SCFD2: variants seen among roughly 807,000 people sequenced by gnomAD.
The protein encoded by SCFD2 is sec1 family domain containing 2.
Under a neutral mutation model 58.9 loss-of-function variants are expected in SCFD2, and 54 were observed. That is an observed-to-expected ratio of 0.92 (90% CI 0.74 to 1.15). The LOEUF is 1.15. Among genes scored for constraint, SCFD2 ranks in the 50% most tolerant of loss-of-function variants. The pLI is 0.00. For missense variants in SCFD2, 805 were observed against 836.6 expected (o/e 0.96, Z 0.47); for synonymous variants, 321 against 335.9 (o/e 0.96, Z 0.49).
chr4:53,280,188 C>T (rs1390109626), intron 3 of SCFD2, among the ~76,000 whole-genome samples: 1 of 152,058 alleles, frequency 6.6e-6, no homozygotes, highest in Non-Finnish European at 1.5e-5. Context: ...AATGGCAAAA[C>T]TGTTATGATG....
chr4:53,237,936 C>A (rs1314820223), intron 4 of SCFD2, among the ~76,000 whole-genome samples: 1 of 120,138 alleles, frequency 8.3e-6, no homozygotes, highest in Non-Finnish European at 1.8e-5. Flanking sequence ...CCGGACGGGG[C>A]GGCTGGCCGG....
intron 4 of SCFD2, among the ~76,000 whole-genome samples, chr4:53,183,345 C>G (rs965808028): frequency 9.2e-5 from 14 of 152,128 alleles, no homozygotes; most frequent in Admixed American, 6.5e-5. Flanking sequence ...AGTTCATGTC[C>G]TTTGTAGGGA....
chr4:53,166,034 C>T (rs921616340), intron 4 of SCFD2, among the ~76,000 whole-genome samples: 4 of 152,270 alleles, frequency 2.6e-5, no homozygotes, highest in African/African-American at 4.8e-5. Flanking sequence ...AATATTCATC[C>T]TTTAGTGTCT....
chr4:53,340,425 C>A (rs2149145085), intron 2 of SCFD2, among the ~76,000 whole-genome samples: 1 of 152,334 alleles, frequency 6.6e-6, no homozygotes, highest in Non-Finnish European at 1.5e-5. Context: ...GGGTGCCCAC[C>A]ATTGCTGAGG....
At chr4:53,302,433 G>T (rs1732345031) in intron 3 of SCFD2, among the ~76,000 whole-genome samples, 1 of 150,734 alleles carries the variant, frequency 6.6e-6, no homozygotes, top group Non-Finnish European at 1.5e-5. Flanking sequence ...ACAAACCACT[G>T]CTCAGTGAAA....
intron 8 of SCFD2, among the ~76,000 whole-genome samples, chr4:52,880,937 G>T (rs1347730638): frequency 6.6e-6 from 1 of 152,278 alleles, no homozygotes; most frequent in African/African-American, 2.4e-5. Flanking sequence ...TGAGGAGAGA[G>T]GCTGGTGTTG....
intron 4 of SCFD2, among the ~76,000 whole-genome samples, chr4:53,213,089 A>G (rs998229613): frequency 2.6e-5 from 4 of 152,114 alleles, no homozygotes; most frequent in Admixed American, 6.6e-5. Flanking sequence ...ACACACAAAC[A>G]ATTTCTAGCA....
chr4:53,105,101 T>G (rs897292535), intron 5 of SCFD2, among the ~76,000 whole-genome samples: 9 of 152,036 alleles, frequency 5.9e-5, no homozygotes, highest in Non-Finnish European at 1.2e-4. Flanking sequence ...AACTCCCTCC[T>G]CTAGCCAAGG....
chr4:53,345,087 A>T (rs948963033), intron 2 of SCFD2, among the ~76,000 whole-genome samples: 1 of 152,250 alleles, frequency 6.6e-6, no homozygotes, highest in Non-Finnish European at 1.5e-5. Context: ...ACAAAAGCCA[A>T]AATAGACAAA....
intron 3 of SCFD2, among the ~76,000 whole-genome samples, chr4:53,312,371 A>G (rs1732717998): frequency 6.6e-6 from 1 of 152,210 alleles, no homozygotes; most frequent in African/African-American, 2.4e-5. Flanking sequence ...CTTATCAGAT[A>G]TATGGCCTTG....
chr4:53,277,276 T>C (rs1353412502), intron 3 of SCFD2, among the ~76,000 whole-genome samples: 4 of 152,222 alleles, frequency 2.6e-5, no homozygotes, highest in African/African-American at 9.6e-5. Context: ...TTTTAAGAAA[T>C]GATATTCTCT....
intron 5 of SCFD2, among the ~76,000 whole-genome samples, chr4:53,023,778 C>A (rs1490283028): frequency 6.6e-6 from 1 of 152,130 alleles, no homozygotes; most frequent in African/African-American, 2.4e-5. Context: ...TTAATAAATG[C>A]AACTGCAAGT....
intron 4 of SCFD2, among the ~76,000 whole-genome samples, chr4:53,236,862 G>A (rs1233969540): frequency 2.1e-5 from 3 of 146,276 alleles, no homozygotes; most frequent in Non-Finnish European, 4.5e-5. Flanking sequence ...ATTTTTTATT[G>A]ATAATTCTTG....
intron 5 of SCFD2, among the ~76,000 whole-genome samples, chr4:52,934,958 G>A (rs571881434): frequency 7.2e-5 from 11 of 152,266 alleles, no homozygotes; most frequent in African/African-American, 2.6e-4. Flanking sequence ...ATACCTGTGT[G>A]GTCCTATACA....
intron 5 of SCFD2, among the ~76,000 whole-genome samples, chr4:52,975,860 C>T (rs983837962): frequency 6.6e-6 from 1 of 152,058 alleles, no homozygotes; most frequent in African/African-American, 2.4e-5. Context: ...AGGATGAGTT[C>T]ACGTTCTTTG....
At chr4:53,166,925 A>T (rs1260905489) in intron 4 of SCFD2, among the ~76,000 whole-genome samples, 2 of 152,022 alleles carry the variant, frequency 1.3e-5, no homozygotes, top group Non-Finnish European at 2.9e-5. Flanking sequence ...TGGGAATAAG[A>T]GGATAGGGCT....
chr4:52,944,300 A>T (rs564054721), intron 5 of SCFD2, among the ~76,000 whole-genome samples: 2 of 152,194 alleles, frequency 1.3e-5, no homozygotes, highest in Non-Finnish European at 2.9e-5. Flanking sequence ...ATTGAGTTCT[A>T]TACCAAAATG....
At chr4:53,067,755 C>T (rs1723704807) in intron 5 of SCFD2, among the ~76,000 whole-genome samples, 2 of 151,998 alleles carry the variant, frequency 1.3e-5, no homozygotes, top group South Asian at 4.1e-4. Flanking sequence ...TCTTTTGTTT[C>T]TTGGGTATGT....
chr4:53,294,094 C>T (rs1332212789), intron 3 of SCFD2, among the ~76,000 whole-genome samples: 2 of 152,154 alleles, frequency 1.3e-5, no homozygotes, highest in Non-Finnish European at 2.9e-5. Flanking sequence ...AACACTGCCA[C>T]AATAAACATA....
Sources: gnomAD v4.1 joint callset for allele counts (sites outside exome capture counted in the v4.1 genomes callset) on GRCh38, gnomAD v4.1.1 for gene constraint, MANE v1.5 for transcripts, NCBI Gene and HGNC (gene_info 2026-07-23, HGNC 2026-07-21) for gene names.